KCNIP1: variants seen among roughly 807,000 people sequenced by gnomAD.
KCNIP1 encodes potassium voltage-gated channel interacting protein 1.
KCNIP1 carries 18 observed loss-of-function variants against 33.0 expected under a neutral mutation model. The ratio of observed to expected loss-of-function variants is 0.55; its 90% CI spans 0.38 to 0.81. The LOEUF (loss-of-function observed/expected upper bound fraction) is 0.81. KCNIP1 is among the 30% of genes least tolerant of loss of function. The pLI, the probability that KCNIP1 is intolerant of heterozygous loss-of-function variation, is 0.00. For missense variants in KCNIP1, 238 were observed against 271.6 expected (o/e 0.88, Z 0.87); for synonymous variants, 93 against 98.3 (o/e 0.95, Z 0.32).
intron 1 of KCNIP1, among the ~76,000 whole-genome samples, chr5:170,510,992 C>T (rs149746984): frequency 5.1e-4 from 77 of 152,148 alleles, no homozygotes; most frequent in Non-Finnish European, 8.7e-4. Flanking sequence ...GGACAGATCA[C>T]GAGGTCAGGA....
intron 1 of KCNIP1, among the ~76,000 whole-genome samples, chr5:170,548,567 C>G (rs952097784): frequency 6.6e-6 from 1 of 152,198 alleles, no homozygotes; most frequent in Admixed American, 6.5e-5. Flanking sequence ...TGAGAGCTCA[C>G]ATATGGTTAC....
chr5:170,553,922 A>G (rs1756748279), intron 1 of KCNIP1, among the ~76,000 whole-genome samples: 1 of 152,332 alleles, frequency 6.6e-6, no homozygotes, highest in Non-Finnish European at 1.5e-5. Flanking sequence ...ATCCAACTCA[A>G]TATCTAGCAC....
In KCNIP1 at chr5:170,438,904, C is replaced by T. The variant is rs569042397; in HGVS notation, c.88+84940C>T. On this transcript the variant is annotated intron_variant, in intron 1 of 7. Coordinates refer to the KCNIP1 transcript ENST00000377360. ...CTTGTTGTACTCCTCTGTGCCTGGA[C>T]ACTGCATGTGGGCCTGTCCATACGC... Among the ~76,000 whole-genome samples, 3 of 152,302 alleles carry T rather than the reference C, an allele frequency of 2.0e-5. No individual in the cohort carries two copies. In the South Asian group the frequency reaches 6.2e-4, roughly 32 times the overall value.
At chr5:170,446,730 C>T (rs1756125534) in intron 1 of KCNIP1, among the ~76,000 whole-genome samples, 1 of 152,216 alleles carries the variant, frequency 6.6e-6, no homozygotes, top group South Asian at 2.1e-4. Context: ...GCATGAGGCA[C>T]TGCACCCAGC....
At chr5:170,490,563 T>C (rs1191068437) in intron 1 of KCNIP1, among the ~76,000 whole-genome samples, 1 of 152,194 alleles carries the variant, frequency 6.6e-6, no homozygotes, top group African/African-American at 2.4e-5. Context: ...TTTGACATTG[T>C]CCTGTGGTTC....
At chr5:170,605,536 C>T (rs1175861601) in intron 1 of KCNIP1, among the ~76,000 whole-genome samples, 1 of 152,208 alleles carries the variant, frequency 6.6e-6, no homozygotes, top group African/African-American at 2.4e-5. Flanking sequence ...CCAGAACTTT[C>T]TCATCACCTC....
chr5:170,511,954 A>G (rs955364607), intron 1 of KCNIP1, among the ~76,000 whole-genome samples: 1 of 152,212 alleles, frequency 6.6e-6, no homozygotes, highest in Non-Finnish European at 1.5e-5. Flanking sequence ...GAAGCACCTC[A>G]TTAGCCACAC....
intron 1 of KCNIP1, among the ~76,000 whole-genome samples, chr5:170,356,949 C>CCA (rs1266462364): frequency 1.3e-5 from 2 of 152,148 alleles, no homozygotes. Context: ...GAGCCTCCAG[C>CCA]CACGTAAAAC....
intron 5 of KCNIP1, among the ~76,000 whole-genome samples, chr5:170,730,722 A>G (rs1764164799): frequency 6.6e-6 from 1 of 152,188 alleles, no homozygotes. Flanking sequence ...ATTTCTAAAT[A>G]CCATTCTTCG....
intron 1 of KCNIP1, among the ~76,000 whole-genome samples, chr5:170,644,324 C>T (rs1221267939): frequency 6.6e-6 from 1 of 152,244 alleles, no homozygotes; most frequent in Non-Finnish European, 1.5e-5. Flanking sequence ...CAGTCAGCAG[C>T]CGAGTGCGGG....
At chr5:170,554,891 T>G (rs1022134814) in intron 1 of KCNIP1, among the ~76,000 whole-genome samples, 2 of 152,096 alleles carry the variant, frequency 1.3e-5, no homozygotes, top group Non-Finnish European at 2.9e-5. Flanking sequence ...CCTGGCTCCA[T>G]TTAGGGTGGG....
intron 1 of KCNIP1, among the ~76,000 whole-genome samples, chr5:170,565,926 C>T (rs1163641595): frequency 6.6e-6 from 1 of 152,144 alleles, no homozygotes; most frequent in Non-Finnish European, 1.5e-5. Context: ...TGGACAAATG[C>T]AGGATATTAT....
At chr5:170,593,399 C>T (rs1456522617) in intron 1 of KCNIP1, among the ~76,000 whole-genome samples, 1 of 152,220 alleles carries the variant, frequency 6.6e-6, no homozygotes, top group Non-Finnish European at 1.5e-5. Context: ...TCTCCATCCC[C>T]AGCACCTAAT....
intron 1 of KCNIP1, among the ~76,000 whole-genome samples, chr5:170,512,966 C>T (rs1378407040): frequency 3.9e-5 from 6 of 152,024 alleles, no homozygotes; most frequent in East Asian, 1.9e-4. Flanking sequence ...AGGAGAATGG[C>T]GTGAACCCAG....
At chr5:170,498,697 A>G (rs1447532641) in intron 1 of KCNIP1, among the ~76,000 whole-genome samples, 1 of 152,244 alleles carries the variant, frequency 6.6e-6, no homozygotes, top group Non-Finnish European at 1.5e-5. Flanking sequence ...TTCATTGAAT[A>G]AATGAATGAA....
intron 1 of KCNIP1, among the ~76,000 whole-genome samples, chr5:170,591,888 A>G (rs540046464): frequency 6.6e-6 from 1 of 152,352 alleles, no homozygotes; most frequent in Non-Finnish European, 1.5e-5. Context: ...GCTATTGTGC[A>G]TAATGCTGCT....
rs372129364 is a variant in KCNIP1 at position 170,506,008 on chromosome 5, C to A, written c.61+1375C>A. ...TTGACATTCTAAGCCTCACCTCTCACAGATCCTGGGATGCTGCTTGACTGG... is the reference window on the plus strand; with the variant it reads ...TTGACATTCTAAGCCTCACCTCTCAAAGATCCTGGGATGCTGCTTGACTGG... On this transcript the variant is annotated intron_variant, in intron 1 of 7. Transcript: ENST00000328939. Among the ~76,000 whole-genome samples, 117 of 152,338 alleles carry A rather than the reference C, an allele frequency of 7.7e-4. 1 individual carries two copies. Among genetic ancestry groups the A allele is most frequent in the African/African-American group, 2.8e-3 (116 of 41,578 alleles).
At chr5:170,532,076 T>C (rs763560320) in intron 1 of KCNIP1, among the ~76,000 whole-genome samples, 3 of 152,232 alleles carry the variant, frequency 2.0e-5, no homozygotes, top group Non-Finnish European at 4.4e-5. Context: ...TGTGGAAGGC[T>C]CTAGAAAGCC....
intron 1 of KCNIP1, among the ~76,000 whole-genome samples, chr5:170,494,908 C>T (rs1757280091): frequency 6.6e-6 from 1 of 152,184 alleles, no homozygotes; most frequent in Non-Finnish European, 1.5e-5. Context: ...TACACCATGC[C>T]TCTGAACTTC....
Sources: allele counts gnomAD v4.1 joint callset (sites outside exome capture counted in the v4.1 genomes callset), GRCh38; gene constraint gnomAD v4.1.1; transcripts MANE v1.5; gene names NCBI Gene and HGNC (gene_info 2026-07-23, HGNC 2026-07-21).